The following TBC1D19 variants were observed in gnomAD, a reference collection of about 807,000 sequenced individuals.
TBC1D19 encodes TBC1 domain family member 19.
Under a neutral mutation model 89.0 loss-of-function variants are expected in TBC1D19, and 60 were observed. The observed-to-expected ratio is 0.67, with a 90% confidence interval of 0.55 to 0.84. TBC1D19 has a LOEUF of 0.84. TBC1D19 is among the 40% of genes least tolerant of loss of function. The probability of loss-of-function intolerance (pLI) is 0.00; values close to 1 mark genes in which losing one functional copy is unlikely to be tolerated. For missense variants in TBC1D19, 500 were observed against 610.8 expected (o/e 0.82, Z 1.91); for synonymous variants, 189 against 199.7 (o/e 0.95, Z 0.45).
chr4:26,634,646 A>G (rs1431036095), intron 4 of TBC1D19, among the ~76,000 whole-genome samples: 6 of 152,202 alleles, frequency 3.9e-5, no homozygotes. Context: ...GTCTGAAAGT[A>G]TATATACGTT....
At chr4:26,582,364 G>C (rs1051467018), upstream of TBC1D19, among the ~76,000 whole-genome samples, 1 of 152,132 alleles carries the variant, frequency 6.6e-6, no homozygotes, top group African/African-American at 2.4e-5. Context: ...AAGGAAGCCA[G>C]AATGTTTTCT....
At chr4:26,589,383 A>T (rs752060867) in intron 1 of TBC1D19, among the ~76,000 whole-genome samples, 4 of 152,116 alleles carry the variant, frequency 2.6e-5, no homozygotes, top group African/African-American at 4.8e-5. Context: ...CATTGTTTCT[A>T]CTACATCCTT....
the TBC1D19 span, among the ~76,000 whole-genome samples, chr4:26,792,812 G>A: frequency 1.4e-4 from 21 of 152,212 alleles, no homozygotes; most frequent in Non-Finnish European, 2.9e-5. Context: ...GAGAAGCTGG[G>A]TTCCAGCCAG....
chr4:26,595,957 T>C (rs995178881), intron 1 of TBC1D19, among the ~76,000 whole-genome samples: 1 of 152,136 alleles, frequency 6.6e-6, no homozygotes, highest in African/African-American at 2.4e-5. Flanking sequence ...TTATTTTTAA[T>C]TAAAAAAAAT....
At chr4:26,825,027 A>G in the TBC1D19 span, among the ~76,000 whole-genome samples, 3 of 152,076 alleles carry the variant, frequency 2.0e-5, no homozygotes, top group African/African-American at 7.2e-5. Context: ...TACTAGACGA[A>G]TGTTTTCTTT....
At chr4:26,587,174 G>A (rs1488225107) in intron 1 of TBC1D19, among the ~76,000 whole-genome samples, 1 of 152,062 alleles carries the variant, frequency 6.6e-6, no homozygotes, top group Non-Finnish European at 1.5e-5. Flanking sequence ...CACCAATTTT[G>A]TATTCCTGAG....
chr4:26,664,683 A>C (rs1711622557), intron 8 of TBC1D19, among the ~76,000 whole-genome samples: 1 of 149,794 alleles, frequency 6.7e-6, no homozygotes, highest in Non-Finnish European at 1.5e-5. Flanking sequence ...CAGAGCTCCC[A>C]CACAATGGGA....
chr4:26,784,949 T>C, the TBC1D19 span, among the ~76,000 whole-genome samples: 9 of 152,208 alleles, frequency 5.9e-5, no homozygotes, highest in Admixed American at 2.6e-4. Context: ...ATAACCACAA[T>C]TTATTATTGC....
At chr4:26,792,157 A>G in the TBC1D19 span, among the ~76,000 whole-genome samples, 3 of 152,164 alleles carry the variant, frequency 2.0e-5, no homozygotes, top group African/African-American at 7.2e-5. Context: ...TTCTATGCTA[A>G]GAATAAACTC....
At chr4:26,614,170 A>G (rs1408588222) in intron 2 of TBC1D19, among the ~76,000 whole-genome samples, 3 of 152,212 alleles carry the variant, frequency 2.0e-5, no homozygotes, top group Non-Finnish European at 1.5e-5. Flanking sequence ...AAATGGTGCA[A>G]TAATGATATT....
chr4:26,851,304 CCTATCTATCTATCTAT>C, the TBC1D19 span, among the ~76,000 whole-genome samples: 1,558 of 147,032 alleles, frequency 0.011, 28 homozygotes, highest in Admixed American at 0.04. Context: ...TAATAAATAC[CCTATCTATCTATCTAT>C]CTATCTATCT....
chr4:26,775,589 CCCTTCCA>C, the TBC1D19 span, among the ~76,000 whole-genome samples: 39 of 152,302 alleles, frequency 2.6e-4, no homozygotes, highest in South Asian at 8.1e-3. Context: ...CTACTCTTTG[CCCTTCCA>C]CCATCAGATG....
At chr4:26,637,395 CAGAG>C in intron 5 of TBC1D19, 110 bp downstream of exon 5, 1 of 914,608 alleles carries the variant, frequency 1.1e-6, no homozygotes, top group South Asian at 1.8e-5. Context: ...TATTTAGAGA[CAGAG>C]TCTTGCTCTG....
intron 13 of TBC1D19, among the ~76,000 whole-genome samples, chr4:26,695,702 T>C (rs1714715116): frequency 1.3e-5 from 2 of 152,160 alleles, no homozygotes; most frequent in South Asian, 4.1e-4. Flanking sequence ...GGGGCCAATA[T>C]TCAACATTCT....
At chr4:26,693,776 T>C (rs1024345701) in intron 13 of TBC1D19, among the ~76,000 whole-genome samples, 7 of 152,106 alleles carry the variant, frequency 4.6e-5, no homozygotes, top group African/African-American at 1.7e-4. Context: ...AATTACATTT[T>C]TAAAGTACCA....
chr4:26,756,057 T>G lies in TBC1D19; in HGVS notation c.*1110T>G, dbSNP rs1719248179. ...CTGTAAATCAGTAGATTGATACGCT[T>G]ATTGATTGCCTAGAATTTTATTCAG... On this transcript the variant is annotated 3_prime_UTR_variant, in exon 21 of 21. Transcript: ENST00000264866. 6.6e-6 allele frequency among the ~76,000 whole-genome samples: 1 copy of G among 152,230 alleles called. No individual in the cohort carries two copies. Among genetic ancestry groups the G allele is most frequent in the Admixed American group, 6.5e-5 (1 of 15,282 alleles).
At chr4:26,662,610 C>T (rs777347051) in intron 8 of TBC1D19, among the ~76,000 whole-genome samples, 1 of 152,088 alleles carries the variant, frequency 6.6e-6, no homozygotes, top group East Asian at 1.9e-4. Context: ...AAGAAGATCC[C>T]CACCAAGGCA....
the TBC1D19 span, among the ~76,000 whole-genome samples, chr4:26,819,379 G>A: frequency 3.3e-5 from 5 of 152,196 alleles, no homozygotes; most frequent in African/African-American, 7.2e-5. Flanking sequence ...GGGTGGTTTT[G>A]CATCTGTTTC....
the TBC1D19 span, among the ~76,000 whole-genome samples, chr4:26,842,583 C>CCTTTCTTTCTTTCTTTCTTT: frequency 2.4e-4 from 17 of 70,608 alleles, no homozygotes; most frequent in Admixed American, 6.8e-4. Flanking sequence ...TTCCTCCCTC[C>CCTTTCTTTCTTTCTTTCTTT]CTTTCTTTCT....
Sources: gnomAD v4.1 joint callset for allele counts (sites outside exome capture counted in the v4.1 genomes callset) on GRCh38, gnomAD v4.1.1 for gene constraint, MANE v1.5 for transcripts, NCBI Gene and HGNC (gene_info 2026-07-23, HGNC 2026-07-21) for gene names.